PRMT5: variants seen among roughly 807,000 people sequenced by gnomAD.
PRMT5 encodes protein arginine methyltransferase 5.
Under a neutral mutation model 84.0 loss-of-function variants are expected in PRMT5, and 15 were observed. The ratio of observed to expected loss-of-function variants is 0.18; its 90% CI spans 0.12 to 0.28. PRMT5 has a LOEUF of 0.28. Ranked by LOEUF, PRMT5 falls within the 10% of genes least tolerant of loss-of-function variation. The probability of loss-of-function intolerance (pLI) is 1.00; values close to 1 mark genes in which losing one functional copy is unlikely to be tolerated. For synonymous variants in PRMT5, 276 were observed against 292.4 expected, an observed-to-expected ratio of 0.94 and a Z score of 0.57; for missense variants, 486 against 808.0, an observed-to-expected ratio of 0.60 and a Z score of 4.83.
Position 22,928,476 on chromosome 14 carries a change from G to A in PRMT5, c.229+21C>T. The A allele has an allele frequency of 6.5e-7, 1 of 1,549,990 alleles. No homozygotes were observed. Among genetic ancestry groups the A allele is most frequent in the Non-Finnish European group, 8.9e-7 (1 of 1,121,810 alleles). ...TTGTTATTGCCTCTAATAATTAAGG[G>A]GCATATGGGATGGTCCCTACCCCTT... is the stretch of plus-strand genomic sequence containing the variant. On this transcript the variant is annotated intron_variant, in intron 2 of 16. Transcript: ENST00000324366. The surrounding 1 kb of genome is among the most constrained non-coding windows in gnomAD (Gnocchi z 4.8).
At chr14:22,929,078 A>C in intron 1 of PRMT5, 174 bp downstream of exon 1, 1 of 1,528,748 alleles carries the variant, frequency 6.5e-7, no homozygotes, top group Non-Finnish European at 9.0e-7. Context: ...GCCTCCCACA[A>C]GTTATTTTCC....
intron 1 of PRMT5, chr14:22,929,011 A>C: frequency 4.5e-6 from 4 of 882,600 alleles, no homozygotes; most frequent in Non-Finnish European, 7.0e-6. Flanking sequence ...CGCGACCTCC[A>C]GGGCCCTTTA....
chr14:22,921,195 A>G (rs1008020405), intron 16 of PRMT5, 139 bp from the exon 17 acceptor site: 2 of 1,049,464 alleles, frequency 1.9e-6, no homozygotes, highest in Non-Finnish European at 2.8e-6. Flanking sequence ...AGCCTATCAG[A>G]ACACAAATAA....
chr14:22,926,091 G>C, intron 7 of PRMT5, 42 bp downstream of exon 7: 4 of 1,536,306 alleles, frequency 2.6e-6, no homozygotes, highest in Non-Finnish European at 3.6e-6. Flanking sequence ...AATAAGGCAA[G>C]ATGTATAGCT....
At position 22,929,373 on chromosome 14, in the gene PRMT5, C is replaced by A; in HGVS notation, c.-12G>T. ...GCCATCGCCGCCATCTTTCTCCTCG[C>A]GCTGTCCACGCCGGGATTCCTTGAT... is the stretch of plus-strand genomic sequence containing the variant. On this transcript the variant is annotated 5_prime_UTR_variant, in exon 1 of 17. Transcript: ENST00000324366. The A allele has an allele frequency of 1.2e-6, 2 of 1,601,940 alleles. No homozygotes were observed. The highest frequency in any genetic ancestry group is 1.1e-5 in the South Asian group (1 of 90,448).
rs1453575996 is a variant in PRMT5 at position 22,929,280 on chromosome 14, C to T, written c.82G>A (p.Asp28Asn). Residue 28 changes from aspartate (D) to asparagine (N), a missense_variant, in exon 1 of 17, where the codon GAC becomes AAC. Around this residue, in one of 4 missense-constraint regions of PRMT5, gnomAD observed 51 missense variants for 53.8 expected, o/e 0.95. Coordinates refer to ENST00000324366, the MANE Select transcript of PRMT5 (RefSeq NM_006109.5). ...TGCTTGGCCACAGCCCCTAGTGTGT[C>T]AGCTATTTCGGGGACGCAATTCAGG... is the stretch of plus-strand genomic sequence containing the variant. ...RDLNCVPEIA[D>N]TLGAVAKQGF... 2.5e-6 allele frequency: 4 copies of T among 1,613,814 alleles called. No individual in the cohort carries two copies. In the African/African-American group the frequency reaches 5.3e-5, roughly 22 times the overall value.
chr14:22,927,492 G>C (rs1438233161), intron 4 of PRMT5, 34 bp downstream of exon 4: 1 of 1,612,902 alleles, frequency 6.2e-7, no homozygotes, highest in East Asian at 2.2e-5. Context: ...TGACTACTAT[G>C]ATATGCAGCA....
chr14:22,922,721 G>A (rs754748441), intron 14 of PRMT5, 21 bp downstream of exon 14: 2 of 1,607,898 alleles, frequency 1.2e-6, no homozygotes. Context: ...CTAGTCAGAG[G>A]ACAGCCATAA....
In PRMT5 at chr14:22,923,336, C is replaced by G. The variant is rs2044346825; in HGVS notation, c.1376-176G>C. 1 of 552,858 alleles carries G rather than the reference C, an allele frequency of 1.8e-6. No homozygotes were observed. Among genetic ancestry groups the G allele is most frequent in the Non-Finnish European group, 3.2e-6 (1 of 313,850 alleles). 34.2% of individuals were successfully genotyped at this position (552,858 alleles called of 1,614,324 possible). A position where few individuals can be genotyped will look rare whatever the true frequency, so the allele number is the denominator to read the frequency against. On this transcript the variant is annotated intron_variant, in intron 12 of 16. Coordinates refer to ENST00000324366, the MANE Select transcript of PRMT5 (RefSeq NM_006109.5). The surrounding 1 kb of genome is among the most constrained non-coding windows in gnomAD (Gnocchi z 5.2). The stretch of plus-strand genomic sequence containing the variant: ...TACTAAGCCAGCCTGCTTCCAACTA[C>G]TGTCATGGAGGATTCCACTACTAGG...
intron 14 of PRMT5, 54 bp downstream of exon 14, chr14:22,922,688 G>A (rs2044327455): frequency 1.3e-6 from 2 of 1,561,464 alleles, no homozygotes; most frequent in Admixed American, 3.3e-5. Context: ...GAAAGCAGGA[G>A]GAAGGAAGAA....
At position 22,923,158 on chromosome 14, in the gene PRMT5, C is replaced by T; in HGVS notation, c.1378G>A (p.Asp460Asn). ...TACTCCCCGGGGATGCTCACACCATCATCTGCACAGCAGGAGAGTCAAATT... is the reference window on the plus strand; with the variant it reads ...TACTCCCCGGGGATGCTCACACCATTATCTGCACAGCAGGAGAGTCAAATT... ...LDGAQHFLKDDGVSIPGEYTS... is the reference protein window; with the variant it reads ...LDGAQHFLKDNGVSIPGEYTS... Residue 460 changes from aspartate (D) to asparagine (N), a missense_variant and splice_region_variant, in exon 13 of 17, where the codon GAT becomes AAT. Transcript: ENST00000324366. The surrounding 1 kb of genome is among the most constrained non-coding windows in gnomAD (Gnocchi z 5.2). 8 of 1,603,058 alleles carry T rather than the reference C, an allele frequency of 5.0e-6. No individual in the cohort carries two copies. The highest frequency in any genetic ancestry group is 6.8e-6 in the Non-Finnish European group (8 of 1,172,986).
chr14:22,924,694 G>A lies in PRMT5; in HGVS notation c.955C>T (p.Leu319=). 1 of 1,614,030 alleles carries A rather than the reference G, an allele frequency of 6.2e-7. No homozygotes were observed. The highest frequency in any genetic ancestry group is 8.5e-7 in the Non-Finnish European group (1 of 1,179,936). The part of the protein sequence containing the change: ...QSPLQPLMDN[L]ESQTYEVFEK... ...AACACTTCATATGTCTGAGATTCCA[G>A]ATTGTCCATCAGTGGCTGATGAATG... The change falls in exon 9 of 17, where the codon CTG becomes TTG. Residue 319 remains leucine (L), a synonymous_variant. Transcript: ENST00000324366. The surrounding 1 kb of genome is among the most constrained non-coding windows in gnomAD (Gnocchi z 6.5).
chr14:22,929,304 G>T lies in PRMT5; in HGVS notation c.58C>A (p.Leu20Met). ...TCAGCTATTTCGGGGACGCAATTCA[G>T]GTCCCTCCCGCTGGACACGCGGCTC... ...GGSRVSSGRD[L>M]NCVPEIADTL... Residue 20 changes from leucine to methionine, a missense_variant, in exon 1 of 17, where the codon CTG (leucine) becomes ATG (methionine). Coordinates refer to ENST00000324366, the MANE Select transcript of PRMT5 (RefSeq NM_006109.5). 1 of 1,613,426 alleles carries T rather than the reference G, an allele frequency of 6.2e-7. No homozygotes were observed.
intron 7 of PRMT5, among the ~76,000 whole-genome samples, chr14:22,925,478 T>G (rs950563061): frequency 2.0e-5 from 3 of 152,110 alleles, no homozygotes; most frequent in Admixed American, 2.0e-4. Context: ...TTCTCTAGCG[T>G]CTGTCCCAAT....
chr14:22,928,679 G>T lies in PRMT5; in HGVS notation c.111-64C>A. The T allele has an allele frequency of 7.7e-7, 1 of 1,292,476 alleles. No individual in the cohort carries two copies. The highest frequency in any genetic ancestry group is 1.1e-6 in the Non-Finnish European group (1 of 887,172). 80.1% of individuals were successfully genotyped at this position (1,292,476 alleles called of 1,614,324 possible). A position where few individuals can be genotyped will look rare whatever the true frequency, so the allele number is the denominator to read the frequency against. ...AGCAGTGCCAGAGAGCCAAGCAACT[G>T]GATTTAGGCTATCTTGATTTTGCAC... On this transcript the variant is annotated intron_variant, in intron 1 of 16. Transcript: ENST00000324366. This position sits in a 1 kb window ranked among gnomAD's most constrained non-coding sequence, Gnocchi z 4.8.
chr14:22,929,064 A>C (rs1427232033), intron 1 of PRMT5, 188 bp downstream of exon 1: 2 of 1,444,010 alleles, frequency 1.4e-6, no homozygotes, highest in Non-Finnish European at 1.9e-6. Context: ...CTCAGTGACC[A>C]CAGGCCTCCC....
In PRMT5 at chr14:22,928,780, G is replaced by A. The variant is rs1216867624; in HGVS notation, c.111-165C>T. Among the ~76,000 whole-genome samples the A allele has an allele frequency of 6.6e-6, 1 of 152,196 alleles. No individual in the cohort carries two copies. The highest frequency in any genetic ancestry group is 2.4e-5 in the African/African-American group (1 of 41,438). The stretch of plus-strand genomic sequence containing the variant: ...CACCTTGGGGGATATCAACTCTGCT[G>A]TACTGTGCCTCAATTTCTCCCTAAA... On this transcript the variant is annotated intron_variant, in intron 1 of 16. Transcript: ENST00000324366. The surrounding 1 kb of genome is among the most constrained non-coding windows in gnomAD (Gnocchi z 4.8).
In PRMT5 at chr14:22,924,211, A is replaced by C; in HGVS notation, c.1200-28T>G. The C allele has an allele frequency of 1.2e-6, 2 of 1,611,246 alleles. No homozygotes were observed. The highest frequency in any genetic ancestry group is 1.7e-6 in the Non-Finnish European group (2 of 1,178,180). On this transcript the variant is annotated intron_variant, in intron 11 of 16. Coordinates refer to ENST00000324366, the MANE Select transcript of PRMT5 (RefSeq NM_006109.5). This position sits in a 1 kb window ranked among gnomAD's most constrained non-coding sequence, Gnocchi z 6.5. Reference sequence around the variant, plus strand: ...GAAACAGAGACAATAAGGTAAGGAGAGATGTTAAGGAAATTTGGCAATGAG... The same window carrying C: ...GAAACAGAGACAATAAGGTAAGGAGCGATGTTAAGGAAATTTGGCAATGAG...
chr14:22,929,193 G>A (rs1299447215), intron 1 of PRMT5, 59 bp downstream of exon 1: 1 of 1,613,892 alleles, frequency 6.2e-7, no homozygotes, highest in African/African-American at 1.3e-5. Context: ...TGACTAGTCT[G>A]CCCTTCTCCG....
Sources: gnomAD v4.1 joint callset for allele counts (sites outside exome capture counted in the v4.1 genomes callset) on GRCh38, gnomAD v4.1.1 for gene constraint, gnomAD v4.1.1 regional missense constraint, Gnocchi (gnomAD v3.1) non-coding constraint, MANE v1.5 for transcripts, NCBI Gene and HGNC (gene_info 2026-07-23, HGNC 2026-07-21) for gene names.